The following NBEA variants were observed in gnomAD, a reference collection of about 807,000 sequenced individuals.
The protein encoded by NBEA is neurobeachin, also known as lysosomal-trafficking regulator 2.
NBEA carries 44 observed loss-of-function variants against 343.4 expected under a neutral mutation model. The observed-to-expected ratio is 0.13, with a 90% confidence interval of 0.10 to 0.16. NBEA has a LOEUF of 0.16. Among genes scored for constraint, NBEA ranks in the 10% least tolerant of loss-of-function variants. The pLI is 1.00. For synonymous variants in NBEA, 1,175 were observed against 1,238.7 expected (o/e 0.95, Z 1.08); for missense variants, 2,555 against 3,631.3 (o/e 0.70, Z 7.62).
intron 34 of NBEA, among the ~76,000 whole-genome samples, chr13:35,248,260 A>G (rs1462402704): frequency 6.6e-6 from 1 of 152,242 alleles, no homozygotes; most frequent in African/African-American, 2.4e-5. Context: ...TATATACCAT[A>G]ACCAAGTAAA....
chr13:35,478,617 C>T (rs1434567476), intron 41 of NBEA, among the ~76,000 whole-genome samples: 1 of 152,226 alleles, frequency 6.6e-6, no homozygotes, highest in Non-Finnish European at 1.5e-5. Context: ...ATTTGAAAAC[C>T]TTACTTGGTG....
intron 54 of NBEA, 140 bp from the exon 55 acceptor site, chr13:35,655,439 C>A: frequency 1.2e-6 from 1 of 862,940 alleles, no homozygotes; most frequent in Non-Finnish European, 1.7e-6. Flanking sequence ...CTTTGTCAGC[C>A]CATAGATGAA....
At chr13:35,352,568 A>T (rs1406685040) in intron 38 of NBEA, among the ~76,000 whole-genome samples, 2 of 152,088 alleles carry the variant, frequency 1.3e-5, no homozygotes, top group Non-Finnish European at 2.9e-5. Flanking sequence ...AACATAATAC[A>T]AAATATGGTT....
intron 1 of NBEA, among the ~76,000 whole-genome samples, chr13:34,996,464 TTG>T (rs147410730): frequency 4.7e-5 from 7 of 150,396 alleles, no homozygotes; most frequent in Admixed American, 6.6e-5. Flanking sequence ...ACCTCTGCGT[TTG>T]TGTGTGTGTG....
intron 41 of NBEA, among the ~76,000 whole-genome samples, chr13:35,492,956 GAT>G (rs1454568755): frequency 2.0e-5 from 3 of 151,922 alleles, no homozygotes; most frequent in Non-Finnish European, 4.4e-5. Flanking sequence ...AAGTGACTGA[GAT>G]AGCTTAAACA....
In NBEA at chr13:35,195,918, G is replaced by T. The variant is rs774724121; in HGVS notation, c.4982G>T (p.Gly1661Val). 6.2e-7 allele frequency: 1 copy of T among 1,612,892 alleles called. No individual in the cohort carries two copies. The highest frequency in any genetic ancestry group is 1.3e-5 in the African/African-American group (1 of 74,966). The change falls in exon 31 of 59, where the codon GGT becomes GTT. Residue 1661 changes from glycine (G) to valine (V), a missense_variant. By Grantham distance (109) the Gly-to-Val change is moderately radical. Around this residue, in one of 21 missense-constraint regions of NBEA, gnomAD observed 270 missense variants for 293.3 expected, o/e 0.92. Transcript: ENST00000379939. The part of the protein sequence containing the change: ...TIKEKETPTP[G>V]EDIQVESSIP... ...AAAGAAAAAGAAACACCAACTCCTG[G>T]TGAAGATATTCAGGTAGAAAGTTCA...
chr13:35,378,524 G>A (rs1190560672), intron 38 of NBEA, among the ~76,000 whole-genome samples: 1 of 152,092 alleles, frequency 6.6e-6, no homozygotes, highest in African/African-American at 2.4e-5. Context: ...GAGCCTTTTA[G>A]GTCTTGGGTA....
At chr13:35,667,101 G>A (rs2085389822) in intron 56 of NBEA, among the ~76,000 whole-genome samples, 1 of 152,198 alleles carries the variant, frequency 6.6e-6, no homozygotes, top group African/African-American at 2.4e-5. Context: ...TCTGTGAGCT[G>A]TACCATTTTA....
At chr13:35,385,339 G>A (rs1215151030) in intron 38 of NBEA, among the ~76,000 whole-genome samples, 1 of 151,838 alleles carries the variant, frequency 6.6e-6, no homozygotes, top group Non-Finnish European at 1.5e-5. Context: ...CTTCCACCTG[G>A]TTGAACAATA....
At chr13:35,131,984 A>G (rs1331819103) in intron 17 of NBEA, among the ~76,000 whole-genome samples, 1 of 152,220 alleles carries the variant, frequency 6.6e-6, no homozygotes, top group Non-Finnish European at 1.5e-5. Context: ...AAACCACAGC[A>G]TAGACTACTT....
At chr13:35,412,762 T>A (rs1385343409) in intron 38 of NBEA, among the ~76,000 whole-genome samples, 1 of 152,136 alleles carries the variant, frequency 6.6e-6, no homozygotes, top group Non-Finnish European at 1.5e-5. Context: ...ATTCTTAAGA[T>A]AGTCCATTTT....
intron 31 of NBEA, among the ~76,000 whole-genome samples, chr13:35,206,606 T>G (rs980329378): frequency 3.6e-4 from 54 of 151,800 alleles, no homozygotes; most frequent in African/African-American, 1.2e-3. Flanking sequence ...TAGATCATTA[T>G]AAGTAGATGC....
intron 44 of NBEA, among the ~76,000 whole-genome samples, chr13:35,556,265 G>T (rs1264272783): frequency 1.3e-5 from 2 of 152,094 alleles, no homozygotes; most frequent in Non-Finnish European, 2.9e-5. Context: ...CATCTGAAAT[G>T]TAAAGAACTT....
chr13:35,547,206 A>G (rs143682855), intron 41 of NBEA, among the ~76,000 whole-genome samples: 5 of 152,314 alleles, frequency 3.3e-5, no homozygotes, highest in African/African-American at 1.2e-4. Flanking sequence ...AGGGCTGAAC[A>G]CTTATTTAAA....
intron 48 of NBEA, among the ~76,000 whole-genome samples, chr13:35,608,846 C>G (rs1245293778): frequency 6.6e-6 from 1 of 152,064 alleles, no homozygotes; most frequent in Non-Finnish European, 1.5e-5. Context: ...ATTTATTTTA[C>G]AGATAAGAAA....
intron 46 of NBEA, among the ~76,000 whole-genome samples, chr13:35,590,082 T>C (rs1392559009): frequency 6.6e-6 from 1 of 152,104 alleles, no homozygotes; most frequent in East Asian, 1.9e-4. Context: ...AATGGCCCAA[T>C]TGACAGGTAG....
chr13:35,219,458 T>G (rs2074245450), intron 33 of NBEA, among the ~76,000 whole-genome samples: 1 of 152,086 alleles, frequency 6.6e-6, no homozygotes, highest in South Asian at 2.1e-4. Context: ...GCATGAGAAT[T>G]TAGGGCACCT....
intron 30 of NBEA, 60 bp from the exon 31 acceptor site, chr13:35,195,804 T>C: frequency 7.2e-7 from 1 of 1,396,092 alleles, no homozygotes. Context: ...AAACATTTGA[T>C]TAATAATACA....
At position 35,000,593 on chromosome 13, in the gene NBEA, A is replaced by AACACACACAC. The variant is rs58091499; in HGVS notation, c.295-40329_295-40320dup. Among the ~76,000 whole-genome samples, 97 of 147,808 alleles carry AACACACACAC rather than the reference A, an allele frequency of 6.6e-4. No homozygotes were observed. In the East Asian group the frequency reaches 8.4e-3, roughly 13 times the overall value. On this transcript the variant is annotated intron_variant, in intron 1 of 58. Coordinates refer to ENST00000379939, the MANE Select transcript of NBEA (RefSeq NM_001385012.1). The stretch of plus-strand genomic sequence containing the variant: ...TAGATTATATATTTATAATATATAT[A>AACACACACAC]ACACACACACACACACACACGTTTT...
Sources: gnomAD v4.1 joint callset for allele counts (sites outside exome capture counted in the v4.1 genomes callset) on GRCh38, gnomAD v4.1.1 for gene constraint, gnomAD v4.1.1 regional missense constraint, MANE v1.5 for transcripts, NCBI Gene and HGNC (gene_info 2026-07-23, HGNC 2026-07-21) for gene names.